The following HS6ST3 variants were observed in gnomAD, a reference collection of about 807,000 sequenced individuals.
The protein encoded by HS6ST3 is heparan-sulfate 6-O-sulfotransferase 3.
In HS6ST3, 12 loss-of-function variants were observed where a neutral mutation model predicts 36.7. That is an observed-to-expected ratio of 0.33 (90% confidence interval 0.21 to 0.53). The LOEUF is 0.53. HS6ST3 is among the 20% of genes least tolerant of loss of function. The pLI, the probability that HS6ST3 is intolerant of heterozygous loss-of-function variation, is 0.95. For synonymous variants in HS6ST3, 240 were observed against 257.5 expected, an observed-to-expected ratio of 0.93 and a Z score of 0.65; for missense variants, 584 against 640.9, an observed-to-expected ratio of 0.91 and a Z score of 0.96.
chr13:96,189,349 A>G (rs760003277), intron 1 of HS6ST3, among the ~76,000 whole-genome samples: 1 of 152,140 alleles, frequency 6.6e-6, no homozygotes, highest in Non-Finnish European at 1.5e-5. Flanking sequence ...ATTAAATTAC[A>G]TTTAATAATG....
At position 96,233,668 on chromosome 13, in the gene HS6ST3, C is replaced by T. The variant is rs1174210033; in HGVS notation, c.707+142099C>T. 9.2e-5 allele frequency among the ~76,000 whole-genome samples: 14 copies of T among 152,098 alleles called. No homozygotes were observed. In the East Asian group the frequency reaches 1.7e-3, roughly 19 times the overall value. ...GGAGATAATGAAACACAATAGAAAA[C>T]AATGAGATGATAGCCATTTGTGTTT... On this transcript the variant is annotated intron_variant, in intron 1 of 1. Transcript: ENST00000376705.
intron 1 of HS6ST3, among the ~76,000 whole-genome samples, chr13:96,259,665 A>C (rs2054654539): frequency 2.0e-5 from 3 of 152,138 alleles, no homozygotes. Flanking sequence ...TCATCTTTTA[A>C]ATTTTTCTTT....
intron 1 of HS6ST3, among the ~76,000 whole-genome samples, chr13:96,667,014 T>C (rs1261262770): frequency 6.6e-6 from 1 of 152,196 alleles, no homozygotes; most frequent in African/African-American, 2.4e-5. Context: ...TTTCTCATGC[T>C]AAGATACAGT....
intron 1 of HS6ST3, among the ~76,000 whole-genome samples, chr13:96,371,096 C>T (rs2055287718): frequency 6.6e-6 from 1 of 152,038 alleles, no homozygotes; most frequent in Non-Finnish European, 1.5e-5. Context: ...ATTTTCATTG[C>T]CATATAAAAT....
In HS6ST3 at chr13:96,380,167, A is replaced by C. The variant is rs2055334096; in HGVS notation, c.707+288598A>C. On this transcript the variant is annotated intron_variant, in intron 1 of 1. Coordinates refer to ENST00000376705, the MANE Select transcript of HS6ST3 (RefSeq NM_153456.4). Reference sequence around the variant, plus strand: ...TTCTGTTTCAGTGTTGGTGGTGAACAGTTTCAGTTGATTGACCTTGTGCTT... The same window carrying C: ...TTCTGTTTCAGTGTTGGTGGTGAACCGTTTCAGTTGATTGACCTTGTGCTT... 2.6e-5 allele frequency among the ~76,000 whole-genome samples: 4 copies of C among 151,986 alleles called. No homozygotes were observed. The South Asian group carries it at 8.3e-4, about 31-fold the overall frequency.
chr13:96,261,396 G>C (rs2054665991), intron 1 of HS6ST3, among the ~76,000 whole-genome samples: 1 of 151,850 alleles, frequency 6.6e-6, no homozygotes, highest in Non-Finnish European at 1.5e-5. Context: ...GATATAGAGA[G>C]TACCAATTGT....
intron 1 of HS6ST3, among the ~76,000 whole-genome samples, chr13:96,612,054 A>G (rs778744521): frequency 5.9e-5 from 9 of 152,154 alleles, no homozygotes; most frequent in Admixed American, 3.9e-4. Context: ...GTAGTCTCAT[A>G]TGGGGATAAA....
At chr13:96,092,748 A>T (rs2053771024) in intron 1 of HS6ST3, among the ~76,000 whole-genome samples, 1 of 152,246 alleles carries the variant, frequency 6.6e-6, no homozygotes, top group Admixed American at 6.5e-5. Flanking sequence ...CCACTGAAGC[A>T]TCTAATTCTA....
chr13:96,145,272 A>G (rs1443547209), intron 1 of HS6ST3, among the ~76,000 whole-genome samples: 1 of 151,170 alleles, frequency 6.6e-6, no homozygotes, highest in Non-Finnish European at 1.5e-5. Context: ...TCCCACCAAC[A>G]GTGTAAAAGT....
At chr13:96,203,851 A>G (rs1488746842) in intron 1 of HS6ST3, among the ~76,000 whole-genome samples, 2 of 152,232 alleles carry the variant, frequency 1.3e-5, no homozygotes, top group Non-Finnish European at 1.5e-5. Flanking sequence ...TTTTGGTATT[A>G]TAAAAGAAAT....
intron 1 of HS6ST3, among the ~76,000 whole-genome samples, chr13:96,806,384 A>G (rs1440322777): frequency 6.6e-6 from 1 of 152,238 alleles, no homozygotes; most frequent in Non-Finnish European, 1.5e-5. Context: ...ACCTAGTAAT[A>G]GATACTGATA....
chr13:96,761,156 C>T (rs1876961902), intron 1 of HS6ST3, among the ~76,000 whole-genome samples: 1 of 151,198 alleles, frequency 6.6e-6, no homozygotes, highest in Non-Finnish European at 1.5e-5. Context: ...ACTGTGTTGC[C>T]CAGGCTGGAG....
intron 1 of HS6ST3, among the ~76,000 whole-genome samples, chr13:96,604,468 T>C (rs2138984282): frequency 6.6e-6 from 1 of 152,306 alleles, no homozygotes; most frequent in East Asian, 1.9e-4. Flanking sequence ...TTGATGTATA[T>C]CTTTATTTTA....
chr13:96,501,893 A>G (rs534956017), intron 1 of HS6ST3, among the ~76,000 whole-genome samples: 2 of 152,364 alleles, frequency 1.3e-5, no homozygotes, highest in East Asian at 1.9e-4. Flanking sequence ...CTAGCATACA[A>G]TTGTAATGCT....
rs113114779 is a variant in HS6ST3, at chr13:96,437,736, G to A, written c.707+346167G>A. 9.8e-5 allele frequency among the ~76,000 whole-genome samples: 15 copies of A among 152,298 alleles called. 1 individual carries two copies. Among genetic ancestry groups the A allele is most frequent in the African/African-American group, 3.6e-4 (15 of 41,556 alleles). On this transcript the variant is annotated intron_variant, in intron 1 of 1. Transcript: ENST00000376705. ...CCTTTGCTTATTCAGTATCTTCCTT[G>A]CTGTAGTCAGTTCATAACATGCTAG...
chr13:96,396,657 A>G (rs970601671), intron 1 of HS6ST3, among the ~76,000 whole-genome samples: 26 of 152,118 alleles, frequency 1.7e-4, no homozygotes, highest in South Asian at 2.1e-4. Context: ...ATTGACAAAC[A>G]TCCCCATCCC....
chr13:96,353,046 C>CTTTTT (rs1026366277), intron 1 of HS6ST3, among the ~76,000 whole-genome samples: 2 of 85,436 alleles, frequency 2.3e-5, no homozygotes, highest in African/African-American at 4.4e-5. Flanking sequence ...CTAGCGTATT[C>CTTTTT]TTTTTTTTTT....
intron 1 of HS6ST3, among the ~76,000 whole-genome samples, chr13:96,740,098 T>C (rs1876398655): frequency 6.6e-6 from 1 of 152,094 alleles, no homozygotes; most frequent in African/African-American, 2.4e-5. Flanking sequence ...TTTTTCTCCA[T>C]AGTAACAATC....
At chr13:96,489,900 T>A (rs1265263713) in intron 1 of HS6ST3, among the ~76,000 whole-genome samples, 1 of 152,146 alleles carries the variant, frequency 6.6e-6, no homozygotes, top group East Asian at 1.9e-4. Context: ...GCCAGTCTTC[T>A]TTCTCTTTTC....
Sources: gnomAD v4.1 joint callset for allele counts (sites outside exome capture counted in the v4.1 genomes callset) on GRCh38, gnomAD v4.1.1 for gene constraint, MANE v1.5 for transcripts, NCBI Gene and HGNC (gene_info 2026-07-23, HGNC 2026-07-21) for gene names.